DPP3: variants seen among roughly 807,000 people sequenced by gnomAD.
The protein encoded by DPP3 is DPP III.
DPP3 carries 64 observed loss-of-function variants against 89.8 expected under a neutral mutation model. The observed-to-expected ratio is 0.71, with a 90% confidence interval of 0.58 to 0.88. DPP3 has a LOEUF of 0.88. Ranked by LOEUF, DPP3 falls within the 40% of genes least tolerant of loss-of-function variation. The pLI is 0.00. For synonymous variants in DPP3, 377 were observed against 404.3 expected (o/e 0.93, Z 0.81); for missense variants, 835 against 972.5 (o/e 0.86, Z 1.88).
intron 6 of DPP3, among the ~76,000 whole-genome samples, chr11:66,490,098 G>T (rs1220437642): frequency 7.1e-6 from 1 of 140,564 alleles, no homozygotes; most frequent in Non-Finnish European, 1.5e-5. Context: ...AGGATCGCTT[G>T]AGCCCAGGAG....
chr11:66,503,395 T>G (rs969760803), intron 16 of DPP3, among the ~76,000 whole-genome samples: 12 of 152,240 alleles, frequency 7.9e-5, no homozygotes, highest in Non-Finnish European at 1.0e-4. Context: ...CTGATCTGTG[T>G]TTCTCACTCA....
At chr11:66,491,675 AC>A in intron 8 of DPP3, 22 bp from the exon 9 acceptor site, 1 of 1,410,412 alleles carries the variant, frequency 7.1e-7, no homozygotes, top group Non-Finnish European at 9.3e-7. Context: ...CCCCTCCTCC[AC>A]CTCTGCCCTT....
intron 16 of DPP3, among the ~76,000 whole-genome samples, chr11:66,501,328 C>A (rs575079219): frequency 2.0e-5 from 3 of 151,968 alleles, no homozygotes; most frequent in South Asian, 2.1e-4. Flanking sequence ...CTGCTGCACT[C>A]CAGCCTGGGC....
chr11:66,490,266 G>GA (rs1209251653), intron 6 of DPP3, among the ~76,000 whole-genome samples: 1 of 151,750 alleles, frequency 6.6e-6, no homozygotes, highest in Non-Finnish European at 1.5e-5. Context: ...AGACAACAAG[G>GA]AAAATACAGT....
chr11:66,502,346 C>A (rs1855699664), intron 16 of DPP3, among the ~76,000 whole-genome samples: 1 of 151,048 alleles, frequency 6.6e-6, no homozygotes, highest in Admixed American at 6.6e-5. Flanking sequence ...CTCGCTCTGT[C>A]CCCCAGGCTG....
chr11:66,484,033 A>G (rs1855158092), intron 2 of DPP3, among the ~76,000 whole-genome samples: 1 of 151,350 alleles, frequency 6.6e-6, no homozygotes, highest in Non-Finnish European at 1.5e-5. Flanking sequence ...GCCGGAGTGC[A>G]GTGGCACAAT....
At chr11:66,490,873 G>A (rs898837825) in intron 6 of DPP3, among the ~76,000 whole-genome samples, 6 of 150,946 alleles carry the variant, frequency 4.0e-5, no homozygotes, top group Admixed American at 6.6e-5. Context: ...GGGTTCAAGC[G>A]ATTCTCTTGC....
chr11:66,509,624 T>G lies in DPP3; in HGVS notation c.*373T>G. On this transcript the variant is annotated 3_prime_UTR_variant, in exon 18 of 18. Transcript: ENST00000531863. ...CAATGCTCCTCACATATTAATTTTA[T>G]AACCAGACAAATAAATATTAGAGAC... 1 of 567,538 alleles carries G rather than the reference T, an allele frequency of 1.8e-6. No homozygotes were observed. Among genetic ancestry groups the G allele is most frequent in the Non-Finnish European group, 3.2e-6 (1 of 309,932 alleles). The allele number at this position is 567,538 out of a possible 1,614,324, so 35.2% of individuals were successfully genotyped here.
chr11:66,494,928 G>A (rs946134839), intron 12 of DPP3, among the ~76,000 whole-genome samples: 11 of 151,994 alleles, frequency 7.2e-5, no homozygotes, highest in African/African-American at 2.7e-4. Flanking sequence ...CACAGGACTT[G>A]GGGCAAGTCC....
At chr11:66,482,503 A>G (rs779727702) in intron 2 of DPP3, 33 bp downstream of exon 2, 14 of 1,588,514 alleles carry the variant, frequency 8.8e-6, no homozygotes, top group Non-Finnish European at 1.2e-5. Context: ...ACATTACCTG[A>G]GTGGCTTCTG....
At chr11:66,498,395 AT>A (rs1855596704) in intron 16 of DPP3, among the ~76,000 whole-genome samples, 1 of 151,588 alleles carries the variant, frequency 6.6e-6, no homozygotes. Context: ...GCCTGGCCTA[AT>A]TTTTGTATTT....
At chr11:66,501,968 T>C (rs976875154) in intron 16 of DPP3, among the ~76,000 whole-genome samples, 205 of 152,040 alleles carry the variant, frequency 1.3e-3, no homozygotes, top group African/African-American at 4.7e-3. Context: ...GAGGCCAAGA[T>C]GGGCAGATCA....
intron 12 of DPP3, 118 bp from the exon 13 acceptor site, chr11:66,495,088 C>CGCCCGCTCCTGCGCTCCCGCT: frequency 6.9e-7 from 1 of 1,452,186 alleles, no homozygotes; most frequent in Non-Finnish European, 9.6e-7. Flanking sequence ...CTGCTCCCGC[C>CGCCCGCTCCTGCGCTCCCGCT]GCCCGCTCCT....
At chr11:66,490,841 C>T (rs910751410) in intron 6 of DPP3, among the ~76,000 whole-genome samples, 1 of 150,624 alleles carries the variant, frequency 6.6e-6, no homozygotes, top group African/African-American at 2.5e-5. Flanking sequence ...ACGATCTCAG[C>T]TCACTGCAAC....
At position 66,497,431 on chromosome 11, in the gene DPP3, G is replaced by T; in HGVS notation, c.1832G>T (p.Arg611Leu). Residue 611 changes from arginine (R) to leucine (L), a missense_variant, in exon 16 of 18, where the codon CGG (arginine) becomes CTG (leucine). Coordinates refer to ENST00000531863, the MANE Select transcript of DPP3 (RefSeq NM_130443.4). ...GTCCGCCTCGACCGCAGCAAGATCC[G>T]GTCTGTGGGCAAGCCTGCTCTAGAG... ...ARVRLDRSKI[R>L]SVGKPALERF... 6.2e-7 allele frequency: 1 copy of T among 1,614,004 alleles called. No homozygotes were observed. The highest frequency in any genetic ancestry group is 8.5e-7 in the Non-Finnish European group (1 of 1,180,024).
rs1343007582 is a variant in DPP3 at position 66,491,378 on chromosome 11, G to A, written c.793G>A (p.Ala265Thr). 2 of 1,613,656 alleles carry A rather than the reference G, an allele frequency of 1.2e-6. No homozygotes were observed. The highest frequency in any genetic ancestry group is 2.2e-5 in the South Asian group (2 of 91,068). ...LQKVVEQLEKAKAYAANSHQG... is the reference protein window; with the variant it reads ...LQKVVEQLEKTKAYAANSHQG... ...GAAGGTGGTGGAGCAGCTGGAGAAAGCCAAGGTTGGACTGGCTGGGGGCTG... is the reference window on the plus strand; with the variant it reads ...GAAGGTGGTGGAGCAGCTGGAGAAAACCAAGGTTGGACTGGCTGGGGGCTG... The change falls in exon 7 of 18, where the codon GCC becomes ACC. Residue 265 changes from alanine to threonine, a missense_variant. Transcript: ENST00000531863.
Position 66,482,170 on chromosome 11 carries a change from G to C in DPP3, c.-8-23G>C, listed in dbSNP as rs1462754742. On this transcript the variant is annotated intron_variant, in intron 1 of 17. Coordinates refer to ENST00000531863, the MANE Select transcript of DPP3 (RefSeq NM_130443.4). ...AATTGGTATGGGGTAAACAACAGCT[G>C]TGATGACAGTGATGGTTCTCAGCAG... 1.9e-6 allele frequency: 3 copies of C among 1,611,810 alleles called. 1 individual carries two copies. In the South Asian group the frequency reaches 3.3e-5, roughly 18 times the overall value.
intron 6 of DPP3, among the ~76,000 whole-genome samples, chr11:66,491,048 C>T (rs369472203): frequency 2.6e-5 from 4 of 152,116 alleles, no homozygotes; most frequent in Admixed American, 6.5e-5. Context: ...GGATTACAGG[C>T]GTAAGCCACC....
At chr11:66,490,576 A>T (rs1459683622) in intron 6 of DPP3, among the ~76,000 whole-genome samples, 1 of 151,052 alleles carries the variant, frequency 6.6e-6, no homozygotes. Context: ...TGTCTTTTTA[A>T]ATCCAGTCTG....
Sources: gnomAD v4.1 joint callset for allele counts (sites outside exome capture counted in the v4.1 genomes callset) on GRCh38, gnomAD v4.1.1 for gene constraint, MANE v1.5 for transcripts, NCBI Gene and HGNC (gene_info 2026-07-23, HGNC 2026-07-21) for gene names.